The following CYFIP1 variants were observed in gnomAD, a reference collection of about 807,000 sequenced individuals.
CYFIP1 encodes cytoplasmic FMR1-interacting protein 1.
A neutral mutation model predicts 163.5 loss-of-function variants in CYFIP1; 58 were observed. The ratio of observed to expected loss-of-function variants is 0.35; its 90% confidence interval spans 0.29 to 0.44. The LOEUF (loss-of-function observed/expected upper bound fraction) is 0.44. CYFIP1 is among the 20% of genes least tolerant of loss of function. The probability of loss-of-function intolerance (pLI) is 1.00; values close to 1 mark genes in which losing one functional copy is unlikely to be tolerated. For missense variants in CYFIP1, 1,338 were observed against 1,653.8 expected, an observed-to-expected ratio of 0.81 and a Z score of 3.31; for synonymous variants, 663 against 660.7, an observed-to-expected ratio of 1.00 and a Z score of -0.05.
intron 21 of CYFIP1, among the ~76,000 whole-genome samples, chr15:22,905,841 CCT>C (rs1008495921): frequency 7.3e-5 from 11 of 151,580 alleles, no homozygotes; most frequent in African/African-American, 2.7e-4. Flanking sequence ...CTCACTGCAA[CCT>C]CTGTCTCCCG....
chr15:22,945,001 C>T lies in CYFIP1; in HGVS notation c.208-62G>A. ...GGGAACTAGCATGAAAAGCAGATGCCAGTTGCTAAAATCCAGACAAAGCGC... is the reference window on the plus strand; with the variant it reads ...GGGAACTAGCATGAAAAGCAGATGCTAGTTGCTAAAATCCAGACAAAGCGC... On this transcript the variant is annotated intron_variant, in intron 3 of 30. Coordinates refer to ENST00000617928, the MANE Select transcript of CYFIP1 (RefSeq NM_014608.6). The T allele has an allele frequency of 2.1e-6, 3 of 1,446,586 alleles. No individual in the cohort carries two copies. In the African/African-American group the frequency reaches 4.2e-5, roughly 20 times the overall value. The allele number at this position is 1,446,586 out of a possible 1,614,324, so 89.6% of individuals were successfully genotyped here. A position where few individuals can be genotyped will look rare whatever the true frequency, so the allele number is the denominator to read the frequency against.
intron 22 of CYFIP1, among the ~76,000 whole-genome samples, chr15:22,895,107 C>T (rs2060201876): frequency 6.6e-6 from 1 of 151,656 alleles, no homozygotes; most frequent in Non-Finnish European, 1.5e-5. Flanking sequence ...CTCCGCCTCC[C>T]AGGTTCAGGC....
At position 22,869,659 on chromosome 15, in the gene CYFIP1, TAGTTAC is replaced by T. The variant is rs1050976266; in HGVS notation, c.*363_*368del. On this transcript the variant is annotated 3_prime_UTR_variant, in exon 31 of 31. Transcript: ENST00000617928. ...GAAAGATCCCTAAACAAAAGCTAAA[TAGTTAC>T]AGTTAATGGTAACTGGCAAGGGATT... is the stretch of plus-strand genomic sequence containing the variant. 4 of 161,382 alleles carry T rather than the reference TAGTTAC, an allele frequency of 2.5e-5. No homozygotes were observed. The highest frequency in any genetic ancestry group is 9.6e-5 in the African/African-American group (4 of 41,814). 10.0% of individuals were successfully genotyped at this position (161,382 alleles called of 1,614,324 possible).
intron 13 of CYFIP1, among the ~76,000 whole-genome samples, 153 bp downstream of exon 13, chr15:22,925,829 C>T (rs947966751): frequency 5.3e-5 from 8 of 152,146 alleles, no homozygotes; most frequent in Non-Finnish European, 8.8e-5. Flanking sequence ...TTCTCTAATG[C>T]GTTCTACTCT....
chr15:22,924,655 CTG>C (rs1441902211), intron 13 of CYFIP1, among the ~76,000 whole-genome samples: 2 of 152,026 alleles, frequency 1.3e-5, no homozygotes, highest in Non-Finnish European at 2.9e-5. Context: ...CTGTACAACT[CTG>C]TGAATGTGCT....
At chr15:22,919,560 T>C (rs989355304) in intron 13 of CYFIP1, among the ~76,000 whole-genome samples, 13 of 152,150 alleles carry the variant, frequency 8.5e-5, no homozygotes, top group African/African-American at 2.7e-4. Flanking sequence ...AAGCAGCAAG[T>C]GAGGCAGAGC....
At chr15:22,979,329 A>G (rs1303270493) in intron 1 of CYFIP1, among the ~76,000 whole-genome samples, 2 of 152,164 alleles carry the variant, frequency 1.3e-5, no homozygotes, top group Admixed American at 1.3e-4. Context: ...GCTGTCAAGC[A>G]TAGCAATGTG....
chr15:22,939,399 C>T lies in CYFIP1; in HGVS notation c.666+12G>A. 1 of 1,613,804 alleles carries T rather than the reference C, an allele frequency of 6.2e-7. No individual in the cohort carries two copies. The highest frequency in any genetic ancestry group is 8.5e-7 in the Non-Finnish European group (1 of 1,179,922). ...TGGCCCATCAACCTGAGTGTGCAAA[C>T]ACCAGCCTTACCTGTGTGATCTTGT... On this transcript the variant is annotated intron_variant, in intron 7 of 30. Transcript: ENST00000617928.
chr15:22,883,029 G>A lies in CYFIP1; in HGVS notation c.2677-18C>T, dbSNP rs559245056. 1 of 1,612,542 alleles carries A rather than the reference G, an allele frequency of 6.2e-7. No individual in the cohort carries two copies. The highest frequency in any genetic ancestry group is 1.3e-5 in the African/African-American group (1 of 75,002). On this transcript the variant is annotated intron_variant, in intron 23 of 30. Coordinates refer to ENST00000617928, the MANE Select transcript of CYFIP1 (RefSeq NM_014608.6). ...TTCAAAGCCTGGAAAACAGGGCACA[G>A]AGCTCTCAGCATGGTCCCCGCACAC...
At chr15:22,966,246 C>T (rs2062900231) in intron 1 of CYFIP1, among the ~76,000 whole-genome samples, 1 of 151,510 alleles carries the variant, frequency 6.6e-6, no homozygotes, top group Admixed American at 6.6e-5. Context: ...CCCAGCTACA[C>T]ACTGAAATCC....
At position 22,869,944 on chromosome 15, in the gene CYFIP1, GAA is replaced by G; in HGVS notation, c.*82_*83del. The G allele has an allele frequency of 7.5e-7, 1 of 1,337,482 alleles. No individual in the cohort carries two copies. The allele number at this position is 1,337,482 out of a possible 1,614,324, so 82.9% of individuals were successfully genotyped here. A position where few individuals can be genotyped will look rare whatever the true frequency, so the allele number is the denominator to read the frequency against. On this transcript the variant is annotated 3_prime_UTR_variant, in exon 31 of 31. Coordinates refer to ENST00000617928, the MANE Select transcript of CYFIP1 (RefSeq NM_014608.6). ...CCCCTTTAACAGGTACAGAGATACTGAAAAATAGTCCCTAAAAATCTCACTAA... is the reference window on the plus strand; with the variant it reads ...CCCCTTTAACAGGTACAGAGATACTGAAATAGTCCCTAAAAATCTCACTAA...
chr15:22,916,802 T>C (rs1316033765), intron 15 of CYFIP1, 172 bp from the exon 16 acceptor site: 1 of 1,571,684 alleles, frequency 6.4e-7, no homozygotes, highest in Non-Finnish European at 8.6e-7. Context: ...ACGTTGCTGC[T>C]GCTTTGGGGA....
chr15:22,921,499 G>C (rs1205175266), intron 13 of CYFIP1, among the ~76,000 whole-genome samples: 1 of 151,848 alleles, frequency 6.6e-6, no homozygotes, highest in Non-Finnish European at 1.5e-5. Context: ...CAAATGCTTA[G>C]CAAGAATAAC....
chr15:22,909,373 A>G, intron 20 of CYFIP1, 60 bp from the exon 21 acceptor site: 1 of 1,599,594 alleles, frequency 6.3e-7, no homozygotes, highest in Non-Finnish European at 8.6e-7. Context: ...CGAAAACAAC[A>G]AACGCCTCAC....
chr15:22,936,997 C>T, intron 9 of CYFIP1, 107 bp downstream of exon 9: 1 of 750,856 alleles, frequency 1.3e-6, no homozygotes, highest in South Asian at 1.6e-5. Flanking sequence ...CTCCACCCAG[C>T]CCCAGCGTTT....
At chr15:22,975,138 A>G (rs1595742690) in intron 1 of CYFIP1, among the ~76,000 whole-genome samples, 1 of 152,328 alleles carries the variant, frequency 6.6e-6, no homozygotes, top group South Asian at 2.1e-4. Flanking sequence ...TGTAATACAT[A>G]TAACTTACAA....
intron 26 of CYFIP1, 118 bp downstream of exon 26, chr15:22,879,795 A>T: frequency 2.9e-6 from 2 of 688,026 alleles, no homozygotes; most frequent in Non-Finnish European, 4.7e-6. Flanking sequence ...AAAAAAAATG[A>T]TGCACAGCTG....
At chr15:22,975,141 A>C (rs958974809) in intron 1 of CYFIP1, among the ~76,000 whole-genome samples, 1 of 152,144 alleles carries the variant, frequency 6.6e-6, no homozygotes, top group Non-Finnish European at 1.5e-5. Flanking sequence ...AATACATATA[A>C]CTTACAAAAT....
intron 26 of CYFIP1, among the ~76,000 whole-genome samples, chr15:22,875,938 C>G (rs1383321488): frequency 7.5e-6 from 1 of 133,006 alleles, no homozygotes; most frequent in Non-Finnish European, 1.6e-5. Context: ...CAGCAGAACA[C>G]CCCAAATCCA....
Sources: gnomAD v4.1 joint callset for allele counts (sites outside exome capture counted in the v4.1 genomes callset) on GRCh38, gnomAD v4.1.1 for gene constraint, MANE v1.5 for transcripts, NCBI Gene and HGNC (gene_info 2026-07-23, HGNC 2026-07-21) for gene names.